The following F8 variants were observed in gnomAD, a reference collection of about 807,000 sequenced individuals.
F8 encodes the protein antihemophilic factor.
F8 carries 12 observed loss-of-function variants against 140.6 expected under a neutral mutation model. The ratio of observed to expected loss-of-function variants is 0.09; its 90% CI spans 0.05 to 0.14. The LOEUF is 0.14. Ranked by LOEUF, F8 falls within the 10% of genes least tolerant of loss-of-function variation. The pLI is 1.00. For missense variants in F8, 1,354 were observed against 1,720.7 expected (o/e 0.79, Z 3.77); for synonymous variants, 585 against 614.6 (o/e 0.95, Z 0.71).
intron 13 of F8, among the ~76,000 whole-genome samples, chrX:154,938,864 T>C (rs1557279411): frequency 3.0e-5 from 3 of 98,928 alleles, no homozygotes; most frequent in East Asian, 3.0e-4. Context: ...CAGAAAAGAA[T>C]GAAAGAAATG....
chrX:154,956,018 C>T (rs998466414), intron 11 of F8, among the ~76,000 whole-genome samples: 29 of 111,817 alleles, frequency 2.6e-4, no homozygotes, highest in African/African-American at 8.5e-4. Flanking sequence ...ACTCCCAGAG[C>T]GGCCATTTTA....
In F8 at chrX:154,904,099, A is replaced by T. The variant is rs1205949233; in HGVS notation, c.5816-11T>A. The T allele has an allele frequency of 5.8e-6, 7 of 1,207,978 alleles. No homozygotes were observed. The highest frequency in any genetic ancestry group is 7.8e-6 in the Non-Finnish European group (7 of 893,486). ...TGTAGCCATTGATTGCTGGAGAAGG[A>T]CACAGAGAAGCCTGTTAAAATCTAT... is the stretch of plus-strand genomic sequence containing the variant. On this transcript the variant is annotated splice_polypyrimidine_tract_variant and intron_variant, in intron 17 of 25. Coordinates refer to ENST00000360256, the MANE Select transcript of F8 (RefSeq NM_000132.4).
rs1264860413 is a variant in F8 at position 154,974,510 on chromosome X, T to C, written c.788-4958A>G. 2.7e-5 allele frequency among the ~76,000 whole-genome samples: 3 copies of C among 112,227 alleles called. No homozygotes were observed. The East Asian group carries it at 8.4e-4, about 31-fold the overall frequency. ...TCTTTTAATGTGCTGTTGAATTCTA[T>C]TTCTAGTATTTTGTTGAGGATATTG... On this transcript the variant is annotated intron_variant, in intron 6 of 25. Transcript: ENST00000360256.
chrX:154,863,313 G>T (rs2072708672), intron 22 of F8, 86 bp from the exon 23 acceptor site: 3 of 931,619 alleles, frequency 3.2e-6, no homozygotes, highest in African/African-American at 1.9e-5. Flanking sequence ...CTTCTAATTT[G>T]CTTTGTGCGT....
At chrX:154,857,033 T>C (rs1395024470) in intron 25 of F8, among the ~76,000 whole-genome samples, 1 of 112,244 alleles carries the variant, frequency 8.9e-6, no homozygotes, top group Non-Finnish European at 1.9e-5. Flanking sequence ...GGAACAGATA[T>C]ATTGAGCAGC....
intron 12 of F8, 117 bp from the exon 13 acceptor site, chrX:154,948,024 G>A: frequency 1.6e-6 from 1 of 611,131 alleles, no homozygotes; most frequent in South Asian, 2.5e-5. Flanking sequence ...CTTATTCCCA[G>A]GAAGAGATAT....
intron 25 of F8, among the ~76,000 whole-genome samples, chrX:154,848,924 G>A (rs1271820885): frequency 9.0e-6 from 1 of 111,445 alleles, no homozygotes; most frequent in African/African-American, 3.3e-5. Flanking sequence ...CGGCCATGTT[G>A]GAACCACCCT....
chrX:154,963,439 A>C lies in F8; in HGVS notation c.1444-2271T>G, dbSNP rs2073407049. Among the ~76,000 whole-genome samples the C allele has an allele frequency of 3.6e-5, 4 of 111,811 alleles. No individual in the cohort carries two copies. The Admixed American group carries it at 3.8e-4, about 11-fold the overall frequency. On this transcript the variant is annotated intron_variant, in intron 9 of 25. Coordinates refer to ENST00000360256, the MANE Select transcript of F8 (RefSeq NM_000132.4). Reference sequence around the variant, plus strand: ...GGTGTATATGTGCCACATTTTCTTAATCAGTCTATCATTGTTGGATATTTG... The same window carrying C: ...GGTGTATATGTGCCACATTTTCTTACTCAGTCTATCATTGTTGGATATTTG...
chrX:154,864,993 A>G (rs1187553821), intron 22 of F8, among the ~76,000 whole-genome samples: 1 of 111,900 alleles, frequency 8.9e-6, no homozygotes, highest in Non-Finnish European at 1.9e-5. Context: ...ATTAAGCCCA[A>G]AGATAACCAA....
intron 4 of F8, among the ~76,000 whole-genome samples, chrX:154,991,193 C>T (rs1411679467): frequency 2.7e-5 from 3 of 112,021 alleles, no homozygotes; most frequent in African/African-American, 9.7e-5. Flanking sequence ...GGACAAAAAC[C>T]CTAGGGGATT....
At chrX:154,858,185 C>T (rs2072663964) in intron 25 of F8, among the ~76,000 whole-genome samples, 1 of 111,866 alleles carries the variant, frequency 8.9e-6, no homozygotes, top group Non-Finnish European at 1.9e-5. Context: ...ACCAGTCATC[C>T]TTTTTACTCA....
chrX:154,948,767 G>A (rs2073321048), intron 12 of F8, among the ~76,000 whole-genome samples: 1 of 112,060 alleles, frequency 8.9e-6, no homozygotes, highest in Admixed American at 9.5e-5. Flanking sequence ...ACTAGGTACT[G>A]TGTAAGATGG....
chrX:154,906,741 G>C (rs1342389819), intron 14 of F8, among the ~76,000 whole-genome samples, 168 bp from the exon 15 acceptor site: 16 of 112,138 alleles, frequency 1.4e-4, no homozygotes, highest in Admixed American at 1.2e-3. Context: ...TTCCATGAAA[G>C]CTGGGGTTTT....
chrX:154,947,020 T>G (rs2073308809), intron 13 of F8, among the ~76,000 whole-genome samples: 1 of 109,105 alleles, frequency 9.2e-6, no homozygotes, highest in African/African-American at 3.3e-5. Context: ...GGTCAGGAAA[T>G]CGAGACCATC....
intron 25 of F8, among the ~76,000 whole-genome samples, chrX:154,839,598 G>A (rs1451116112): frequency 2.2e-4 from 24 of 110,587 alleles, no homozygotes; most frequent in East Asian, 5.8e-4. Flanking sequence ...TCCTGACCTC[G>A]TGATCCACCC....
chrX:154,947,920 T>TG lies in F8; in HGVS notation c.1904-14dup. ...TAGCCATTGATGCCTGCAAAAACAA[T>TG]GGGGAAAAGAGATTTAGACACATCA... On this transcript the variant is annotated splice_polypyrimidine_tract_variant and intron_variant, in intron 12 of 25. Transcript: ENST00000360256. The TG allele has an allele frequency of 8.5e-7, 1 of 1,176,097 alleles. No individual in the cohort carries two copies. The highest frequency in any genetic ancestry group is 1.2e-6 in the Non-Finnish European group (1 of 863,444).
At chrX:155,010,889 A>G (rs1309984528) in intron 1 of F8, among the ~76,000 whole-genome samples, 1 of 111,559 alleles carries the variant, frequency 9.0e-6, no homozygotes, top group Non-Finnish European at 1.9e-5. Flanking sequence ...CACACCATAT[A>G]CCAAAATTAA....
chrX:154,924,041 G>A (rs1603433595), intron 14 of F8, among the ~76,000 whole-genome samples: 1 of 112,382 alleles, frequency 8.9e-6, no homozygotes, highest in African/African-American at 3.2e-5. Flanking sequence ...ATCCATGTAA[G>A]ACAAGACTTG....
intron 6 of F8, among the ~76,000 whole-genome samples, chrX:154,981,375 C>G (rs1414457395): frequency 9.2e-6 from 1 of 108,827 alleles, no homozygotes; most frequent in Non-Finnish European, 1.9e-5. Flanking sequence ...CCACTTTGCT[C>G]CACTCAGCAT....
Sources: allele counts gnomAD v4.1 joint callset (sites outside exome capture counted in the v4.1 genomes callset), GRCh38; gene constraint gnomAD v4.1.1; transcripts MANE v1.5; gene names NCBI Gene and HGNC (gene_info 2026-07-23, HGNC 2026-07-21).